Variants in ACOT1 observed in about 807,000 individuals in gnomAD.
ACOT1 encodes the protein acyl-CoA thioesterase 1, also known as acyl-coenzyme A thioesterase 1.
Under a neutral mutation model 15.7 loss-of-function variants are expected in ACOT1, and 8 were observed. That is an observed-to-expected ratio of 0.51 (90% CI 0.30 to 0.92). The LOEUF is 0.92. Among genes scored for constraint, ACOT1 ranks in the 40% least tolerant of loss-of-function variants. The pLI, the probability that ACOT1 is intolerant of heterozygous loss-of-function variation, is 0.06. For missense variants in ACOT1, 151 were observed against 539.4 expected (o/e 0.28, Z 7.13); for synonymous variants, 67 against 241.2 (o/e 0.28, Z 6.69).
the ACOT1 span, chr14:73,500,583 C>G: frequency 1.2e-6 from 2 of 1,613,754 alleles, no homozygotes; most frequent in South Asian, 1.1e-5. Context: ...CACCAGCTGC[C>G]AAACAGGCTG....
At chr14:73,517,957 G>A in the ACOT1 span, among the ~76,000 whole-genome samples, 262 of 152,034 alleles carry the variant, frequency 1.7e-3, no homozygotes, top group Admixed American at 3.5e-3. Context: ...GTGGTGGCGC[G>A]CACCTGTAGT....
chr14:73,498,937 A>C, the ACOT1 span: 1 of 751,698 alleles, frequency 1.3e-6, no homozygotes. Flanking sequence ...CTTTTCAGAC[A>C]AGGAACTTCT....
At chr14:73,536,381 G>A (rs1268080175), upstream of ACOT1, among the ~76,000 whole-genome samples, 2 of 110,974 alleles carry the variant, frequency 1.8e-5, no homozygotes, top group African/African-American at 5.9e-5. Context: ...GGGGAGCGCC[G>A]GTAGTCCCTT....
At chr14:73,501,086 G>A in the ACOT1 span, among the ~76,000 whole-genome samples, 1 of 152,190 alleles carries the variant, frequency 6.6e-6, no homozygotes, top group Non-Finnish European at 1.5e-5. Flanking sequence ...TGCCTATGCA[G>A]TCTTTTTGTT....
At chr14:73,531,947 G>A in the ACOT1 span, among the ~76,000 whole-genome samples, 1 of 114,436 alleles carries the variant, frequency 8.7e-6, no homozygotes, top group African/African-American at 2.8e-5. Context: ...CAGGAGAATC[G>A]CCTGGACCCA....
chr14:73,491,283 C>T, the ACOT1 span: 1 of 1,556,686 alleles, frequency 6.4e-7, no homozygotes, highest in African/African-American at 1.4e-5. Flanking sequence ...GCGGCCGTCC[C>T]GGACGCAGCC....
chr14:73,533,955 G>A (rs1270012729), upstream of ACOT1, among the ~76,000 whole-genome samples: 4 of 109,834 alleles, frequency 3.6e-5, 2 homozygotes, highest in Non-Finnish European at 7.8e-5. Flanking sequence ...GGGAAGATGA[G>A]GTGGTAGGGT....
chr14:73,521,893 G>T, the ACOT1 span, among the ~76,000 whole-genome samples: 1 of 152,210 alleles, frequency 6.6e-6, no homozygotes, highest in South Asian at 2.1e-4. Context: ...GCTGGAGAAG[G>T]TTGAGAACCA....
the ACOT1 span, among the ~76,000 whole-genome samples, chr14:73,510,649 T>C: frequency 3.9e-5 from 6 of 152,152 alleles, no homozygotes; most frequent in Non-Finnish European, 7.4e-5. Flanking sequence ...TTGGCCAGGC[T>C]GGTCTTGAAC....
chr14:73,506,802 C>CTTTTT, the ACOT1 span, among the ~76,000 whole-genome samples: 13 of 58,030 alleles, frequency 2.2e-4, no homozygotes, highest in African/African-American at 7.3e-4. Flanking sequence ...CTGACTTTAA[C>CTTTTT]TGTTTTTTTT....
At chr14:73,507,216 A>G in the ACOT1 span, among the ~76,000 whole-genome samples, 9 of 152,304 alleles carry the variant, frequency 5.9e-5, no homozygotes, top group East Asian at 1.5e-3. Flanking sequence ...GCAGTTTTCA[A>G]TGGTAAACTT....
chr14:73,491,054 CGCGG>C, the ACOT1 span: 2 of 1,589,106 alleles, frequency 1.3e-6, no homozygotes, highest in Non-Finnish European at 1.7e-6. Context: ...GCCGTTGAGG[CGCGG>C]GCGGCCGAAG....
At chr14:73,500,098 C>T in the ACOT1 span, among the ~76,000 whole-genome samples, 2 of 152,068 alleles carry the variant, frequency 1.3e-5, 1 homozygote, top group Non-Finnish European at 2.9e-5. Flanking sequence ...GGTGTGGTGG[C>T]AGGTGCCTGT....
upstream of ACOT1, among the ~76,000 whole-genome samples, chr14:73,535,142 C>A (rs143605012): frequency 0.01 from 1,198 of 114,950 alleles, 426 homozygotes; most frequent in East Asian, 0.24. Flanking sequence ...ATTTATATTG[C>A]TAACTTGTTT....
At chr14:73,505,516 C>T in the ACOT1 span, among the ~76,000 whole-genome samples, 2 of 152,006 alleles carry the variant, frequency 1.3e-5, no homozygotes, top group African/African-American at 2.4e-5. Context: ...TGTGCCTCAG[C>T]CTTCCAAGTA....
At chr14:73,525,552 A>C in the ACOT1 span, among the ~76,000 whole-genome samples, 1 of 152,074 alleles carries the variant, frequency 6.6e-6, no homozygotes, top group African/African-American at 2.4e-5. Context: ...AACAGTGGCT[A>C]CTCCCACTGG....
At chr14:73,527,098 G>C in the ACOT1 span, 2 of 152,272 alleles carry the variant, frequency 1.3e-5, no homozygotes, top group East Asian at 3.9e-4. Flanking sequence ...GCACCCCCTG[G>C]TATACATCAG....
the ACOT1 span, among the ~76,000 whole-genome samples, chr14:73,510,877 G>C: frequency 6.6e-6 from 1 of 152,116 alleles, no homozygotes; most frequent in African/African-American, 2.4e-5. Flanking sequence ...ACAATTCTAG[G>C]GTCCACAAAG....
the ACOT1 span, among the ~76,000 whole-genome samples, chr14:73,512,486 G>C: frequency 6.6e-6 from 1 of 152,138 alleles, no homozygotes; most frequent in Non-Finnish European, 1.5e-5. Flanking sequence ...CCTGGTTTGG[G>C]ATCACAGTTA....
Sources: allele counts gnomAD v4.1 joint callset (sites outside exome capture counted in the v4.1 genomes callset), GRCh38; gene constraint gnomAD v4.1.1; transcripts MANE v1.5; gene names NCBI Gene and HGNC (gene_info 2026-07-23, HGNC 2026-07-21).